Variants in CADM1 observed in about 807,000 individuals in gnomAD.
CADM1 encodes the protein TSLC-1.
In CADM1, 15 loss-of-function variants were observed where a neutral mutation model predicts 53.1. The ratio of observed to expected loss-of-function variants is 0.28; its 90% CI spans 0.19 to 0.44. The LOEUF is 0.44. Ranked by LOEUF, CADM1 falls within the 20% of genes least tolerant of loss-of-function variation. CADM1 has a pLI of 1.00. For synonymous variants in CADM1, 281 were observed against 243.0 expected, an observed-to-expected ratio of 1.16 and a Z score of -1.45; for missense variants, 434 against 611.3, an observed-to-expected ratio of 0.71 and a Z score of 3.06.
intron 1 of CADM1, among the ~76,000 whole-genome samples, chr11:115,483,564 G>A (rs778485400): frequency 6.6e-6 from 1 of 152,144 alleles, no homozygotes; most frequent in Admixed American, 6.5e-5. Flanking sequence ...CAAGAGGAGA[G>A]TCAAGAAAAA....
chr11:115,329,616 C>T (rs1051759239), intron 1 of CADM1, among the ~76,000 whole-genome samples: 2 of 152,070 alleles, frequency 1.3e-5, no homozygotes, highest in Non-Finnish European at 2.9e-5. Context: ...TCCCAAAGCC[C>T]CAGTGGGTGT....
chr11:115,346,339 A>T (rs1387977459), intron 1 of CADM1, among the ~76,000 whole-genome samples: 1 of 152,210 alleles, frequency 6.6e-6, no homozygotes, highest in East Asian at 1.9e-4. Flanking sequence ...GTAAAATTTC[A>T]TAAAACATTA....
At chr11:115,418,913 A>G (rs2135265054) in intron 1 of CADM1, among the ~76,000 whole-genome samples, 1 of 152,332 alleles carries the variant, frequency 6.6e-6, no homozygotes, top group East Asian at 1.9e-4. Flanking sequence ...AAGATAAAAG[A>G]TTCAAGAGCC....
intron 1 of CADM1, among the ~76,000 whole-genome samples, chr11:115,448,452 C>A (rs546250629): frequency 2.0e-5 from 3 of 152,118 alleles, no homozygotes; most frequent in Non-Finnish European, 4.4e-5. Context: ...AAAGACAATG[C>A]CACAATGTGT....
At chr11:115,221,797 G>T (rs1941416443) in intron 5 of CADM1, among the ~76,000 whole-genome samples, 1 of 152,140 alleles carries the variant, frequency 6.6e-6, no homozygotes, top group Admixed American at 6.6e-5. Flanking sequence ...TTCCAGGGTA[G>T]CAGAGAGGAG....
intron 1 of CADM1, among the ~76,000 whole-genome samples, chr11:115,295,504 T>TATATA (rs1944027269): frequency 3.1e-5 from 1 of 31,896 alleles, no homozygotes; most frequent in Admixed American, 4.6e-4. Context: ...GATCAAGATA[T>TATATA]TTTATATATA....
intron 1 of CADM1, among the ~76,000 whole-genome samples, chr11:115,335,912 G>C (rs1185721402): frequency 2.6e-5 from 4 of 152,078 alleles, no homozygotes; most frequent in Non-Finnish European, 4.4e-5. Flanking sequence ...TTTTATCACT[G>C]ACAACAATGT....
chr11:115,497,898 T>C (rs912343300), intron 1 of CADM1, among the ~76,000 whole-genome samples: 1 of 150,688 alleles, frequency 6.6e-6, no homozygotes, highest in African/African-American at 2.4e-5. Flanking sequence ...TCCCTGTTTG[T>C]CTGGAAACAA....
intron 1 of CADM1, among the ~76,000 whole-genome samples, chr11:115,370,388 GA>G (rs985102292): frequency 6.6e-6 from 1 of 152,162 alleles, no homozygotes; most frequent in Non-Finnish European, 1.5e-5. Flanking sequence ...AAGCCCTGAC[GA>G]GGGGGTATTT....
At chr11:115,267,813 C>A (rs893874149) in intron 1 of CADM1, among the ~76,000 whole-genome samples, 24 of 151,282 alleles carry the variant, frequency 1.6e-4, no homozygotes, top group Non-Finnish European at 4.4e-5. Flanking sequence ...ACAGTTTAAC[C>A]TCCGAGAAGG....
chr11:115,184,455 C>A (rs1939451030), intron 10 of CADM1, among the ~76,000 whole-genome samples: 1 of 152,190 alleles, frequency 6.6e-6, no homozygotes, highest in Non-Finnish European at 1.5e-5. Context: ...TGCTACAAAT[C>A]CTTCTGACAT....
chr11:115,315,737 TCTAAATA>T (rs1192557680), intron 1 of CADM1, among the ~76,000 whole-genome samples: 1 of 150,672 alleles, frequency 6.6e-6, no homozygotes, highest in Admixed American at 6.6e-5. Context: ...AAACTGAGTA[TCTAAATA>T]CTATAGCGTG....
chr11:115,459,643 A>C (rs1398435776), intron 1 of CADM1, among the ~76,000 whole-genome samples: 1 of 152,164 alleles, frequency 6.6e-6, no homozygotes, highest in African/African-American at 2.4e-5. Context: ...GGACCAGTTG[A>C]TTCTTTCCAC....
At chr11:115,213,572 A>AAT (rs1341089969) in intron 7 of CADM1, among the ~76,000 whole-genome samples, 3 of 152,246 alleles carry the variant, frequency 2.0e-5, no homozygotes, top group Non-Finnish European at 4.4e-5. Context: ...TTTGATTAAA[A>AAT]AGACTGCCAC....
At chr11:115,262,061 G>A (rs11215454) in intron 1 of CADM1, among the ~76,000 whole-genome samples, 26,931 of 151,848 alleles carry the variant, frequency 0.18, 2,590 homozygotes, top group South Asian at 0.33. Flanking sequence ...TTACAGGCGT[G>A]AGCCACCGAA....
chr11:115,492,437 C>A (rs1308295563), intron 1 of CADM1, among the ~76,000 whole-genome samples: 1 of 152,014 alleles, frequency 6.6e-6, no homozygotes, highest in Non-Finnish European at 1.5e-5. Flanking sequence ...TATAAATCAA[C>A]AATGATAGGA....
intron 1 of CADM1, among the ~76,000 whole-genome samples, chr11:115,496,509 G>A (rs1052714570): frequency 3.3e-5 from 5 of 152,180 alleles, no homozygotes; most frequent in Non-Finnish European, 7.3e-5. Context: ...GGGCAATAGA[G>A]AGGGAGTGGG....
At chr11:115,181,337 T>C (rs1161888126) in intron 10 of CADM1, among the ~76,000 whole-genome samples, 1 of 152,190 alleles carries the variant, frequency 6.6e-6, no homozygotes, top group Non-Finnish European at 1.5e-5. Context: ...ATATGCTCAG[T>C]GTTGCTATTT....
chr11:115,361,589 C>A (rs1946030416), intron 1 of CADM1, among the ~76,000 whole-genome samples: 1 of 152,152 alleles, frequency 6.6e-6, no homozygotes, highest in Non-Finnish European at 1.5e-5. Flanking sequence ...GAAAGCAATT[C>A]TAAGAGCCAA....
Sources: gnomAD v4.1 joint callset for allele counts (sites outside exome capture counted in the v4.1 genomes callset) on GRCh38, gnomAD v4.1.1 for gene constraint, MANE v1.5 for transcripts, NCBI Gene and HGNC (gene_info 2026-07-23, HGNC 2026-07-21) for gene names.